LRGUK: variants seen among roughly 807,000 people sequenced by gnomAD.
LRGUK encodes leucine rich repeats and guanylate kinase domain containing, also known as leucine-rich repeat and guanylate kinase domain-containing protein.
Under a neutral mutation model 76.0 loss-of-function variants are expected in LRGUK, and 65 were observed. That is an observed-to-expected ratio of 0.85 (90% CI 0.70 to 1.05). LRGUK has a LOEUF of 1.05. Ranked by LOEUF, LRGUK falls within the 50% of genes least tolerant of loss-of-function variation. The pLI is 0.00. For synonymous variants in LRGUK, 268 were observed against 265.6 expected (o/e 1.01, Z -0.09); for missense variants, 758 against 732.8 (o/e 1.03, Z -0.40).
At chr7:134,139,567 A>G (rs766704244) in intron 3 of LRGUK, 50 bp downstream of exon 3, 10 of 1,182,478 alleles carry the variant, frequency 8.5e-6, no homozygotes. Flanking sequence ...GAAAACTTAA[A>G]CGTTGCAGTA....
intron 16 of LRGUK, among the ~76,000 whole-genome samples, chr7:134,238,552 TTTTG>T (rs2117187921): frequency 6.6e-6 from 1 of 152,280 alleles, no homozygotes; most frequent in Non-Finnish European, 1.5e-5. Flanking sequence ...AGGTGGGTTT[TTTTG>T]TTTATTTCTA....
At chr7:134,241,739 C>G (rs1802158301) in intron 16 of LRGUK, among the ~76,000 whole-genome samples, 2 of 152,314 alleles carry the variant, frequency 1.3e-5, no homozygotes, top group South Asian at 4.1e-4. Flanking sequence ...CACCCCAAAT[C>G]AACAGAATAT....
At chr7:134,193,008 G>A (rs1167843925) in intron 12 of LRGUK, among the ~76,000 whole-genome samples, 2 of 152,036 alleles carry the variant, frequency 1.3e-5, no homozygotes, top group South Asian at 4.1e-4. Context: ...CAAAATCATG[G>A]AACATTTCAG....
At chr7:134,182,842 A>G (rs1585509851) in intron 10 of LRGUK, among the ~76,000 whole-genome samples, 1 of 151,970 alleles carries the variant, frequency 6.6e-6, no homozygotes, top group African/African-American at 2.4e-5. Flanking sequence ...GCTCACTGTA[A>G]CCTCCATCTC....
At chr7:134,150,239 C>T (rs997129946) in intron 5 of LRGUK, among the ~76,000 whole-genome samples, 1 of 151,162 alleles carries the variant, frequency 6.6e-6, no homozygotes, top group Non-Finnish European at 1.5e-5. Flanking sequence ...GGCGCCACTG[C>T]ACTCCAGCCT....
At chr7:134,155,369 C>T (rs1798411117) in intron 5 of LRGUK, among the ~76,000 whole-genome samples, 2 of 152,140 alleles carry the variant, frequency 1.3e-5, no homozygotes. Flanking sequence ...TATTAGTGAG[C>T]ATAAACATCT....
rs1801050085 is a variant in LRGUK, at chr7:134,207,304, C to T, written c.1844-1403C>T. Among the ~76,000 whole-genome samples, 3 of 152,256 alleles carry T rather than the reference C, an allele frequency of 2.0e-5. No individual in the cohort carries two copies. In the South Asian group the frequency reaches 6.2e-4, roughly 32 times the overall value. On this transcript the variant is annotated intron_variant, in intron 15 of 15. Transcript: ENST00000645682. Reference sequence around the variant, plus strand: ...TTACCCCAAACAGAAACTCTATACCCATTAATCTATTACTCCCCTCAACTC... The same window carrying T: ...TTACCCCAAACAGAAACTCTATACCTATTAATCTATTACTCCCCTCAACTC...
intron 10 of LRGUK, among the ~76,000 whole-genome samples, chr7:134,181,088 C>T (rs948322419): frequency 6.6e-6 from 1 of 152,156 alleles, no homozygotes; most frequent in Admixed American, 6.5e-5. Context: ...AGTCTCAATT[C>T]TCTGGCTAAC....
chr7:134,221,963 C>T (rs904512941), intron 16 of LRGUK, 45 bp downstream of exon 16: 7 of 1,442,958 alleles, frequency 4.9e-6, no homozygotes, highest in Non-Finnish European at 6.4e-6. Flanking sequence ...GAGCTCTATA[C>T]AATGTCAGAC....
chr7:134,150,490 A>AAAAAAG (rs1798173582), intron 5 of LRGUK, among the ~76,000 whole-genome samples: 2 of 151,336 alleles, frequency 1.3e-5, no homozygotes, highest in Non-Finnish European at 3.0e-5. Context: ...AAAAAAAAAA[A>AAAAAAG]AAAAAGAAAA....
intron 7 of LRGUK, among the ~76,000 whole-genome samples, chr7:134,163,860 AAATAT>A (rs1798862287): frequency 6.6e-6 from 1 of 152,204 alleles, no homozygotes. Context: ...GGAATGTCTG[AAATAT>A]CAGAGTAAGG....
At chr7:134,259,709 G>C (rs987432202) in intron 19 of LRGUK, among the ~76,000 whole-genome samples, 6 of 152,152 alleles carry the variant, frequency 3.9e-5, no homozygotes, top group African/African-American at 1.2e-4. Context: ...AAGGATGAGA[G>C]TTCTAACACC....
intron 4 of LRGUK, among the ~76,000 whole-genome samples, chr7:134,144,811 C>T (rs1380576547): frequency 6.6e-6 from 1 of 152,114 alleles, no homozygotes; most frequent in Non-Finnish European, 1.5e-5. Flanking sequence ...GGATGACATT[C>T]CTTTGTGCAA....
At chr7:134,261,286 A>G (rs1325604597) in intron 19 of LRGUK, among the ~76,000 whole-genome samples, 1 of 127,232 alleles carries the variant, frequency 7.9e-6, no homozygotes, top group Non-Finnish European at 1.7e-5. Flanking sequence ...ATATATGTGA[A>G]GTTGATTTTT....
intron 11 of LRGUK, among the ~76,000 whole-genome samples, chr7:134,184,426 T>C (rs958637875): frequency 6.6e-6 from 1 of 151,864 alleles, no homozygotes; most frequent in African/African-American, 2.4e-5. Context: ...GCTGCCACCA[T>C]GCCTGGCTAA....
At chr7:134,142,326 C>T (rs1281181182) in intron 3 of LRGUK, among the ~76,000 whole-genome samples, 1 of 152,220 alleles carries the variant, frequency 6.6e-6, no homozygotes, top group Non-Finnish European at 1.5e-5. Context: ...ATTCCCCTAC[C>T]TCTGTGTCTG....
At chr7:134,181,412 G>C (rs946722292) in intron 10 of LRGUK, among the ~76,000 whole-genome samples, 1 of 150,812 alleles carries the variant, frequency 6.6e-6, no homozygotes. Context: ...TTTCTAATTG[G>C]AAGTTTTTTT....
chr7:134,183,944 A>G (rs1799870622), intron 11 of LRGUK, 91 bp downstream of exon 11: 1 of 1,468,064 alleles, frequency 6.8e-7, no homozygotes, highest in Non-Finnish European at 9.3e-7. Context: ...GATATTGCTA[A>G]TGTTGGCTAT....
At chr7:134,228,788 A>C (rs1183524547) in intron 16 of LRGUK, among the ~76,000 whole-genome samples, 2 of 152,168 alleles carry the variant, frequency 1.3e-5, no homozygotes, top group African/African-American at 2.4e-5. Context: ...ATATCAGATT[A>C]TCAAATTTTG....
Sources: allele counts gnomAD v4.1 joint callset (sites outside exome capture counted in the v4.1 genomes callset), GRCh38; gene constraint gnomAD v4.1.1; transcripts MANE v1.5; gene names NCBI Gene and HGNC (gene_info 2026-07-23, HGNC 2026-07-21).